Variants in GPC5 observed in about 807,000 individuals in gnomAD.
GPC5 encodes glypican-5.
Under a neutral mutation model 53.9 loss-of-function variants are expected in GPC5, and 47 were observed. The ratio of observed to expected loss-of-function variants is 0.87; its 90% confidence interval spans 0.69 to 1.11. The LOEUF (loss-of-function observed/expected upper bound fraction) is 1.11, where lower values mean the gene tolerates loss of function less well. Ranked by LOEUF, GPC5 falls within the 50% of genes most tolerant of loss-of-function variation. The pLI is 0.00. For synonymous variants in GPC5, 286 were observed against 263.3 expected, an observed-to-expected ratio of 1.09 and a Z score of -0.84; for missense variants, 748 against 713.1, an observed-to-expected ratio of 1.05 and a Z score of -0.56.
At chr13:92,497,223 T>G (rs1439525557) in intron 7 of GPC5, among the ~76,000 whole-genome samples, 1 of 152,222 alleles carries the variant, frequency 6.6e-6, no homozygotes, top group South Asian at 2.1e-4. Flanking sequence ...TCTTCTAGGG[T>G]TTTTATGGCT....
At chr13:92,782,645 T>G (rs1389739909) in intron 7 of GPC5, among the ~76,000 whole-genome samples, 4 of 152,186 alleles carry the variant, frequency 2.6e-5, no homozygotes, top group Non-Finnish European at 5.9e-5. Context: ...TTATTTTCTT[T>G]TACTTTTCAT....
At chr13:91,818,146 A>G (rs2038429987) in intron 5 of GPC5, among the ~76,000 whole-genome samples, 1 of 152,224 alleles carries the variant, frequency 6.6e-6, no homozygotes, top group Non-Finnish European at 1.5e-5. Flanking sequence ...GATATATGAC[A>G]TGTATAAGTT....
chr13:92,115,360 T>G (rs9560925), intron 6 of GPC5, among the ~76,000 whole-genome samples: 78,534 of 151,898 alleles, frequency 0.52, 21,646 homozygotes, highest in African/African-American at 0.71. Flanking sequence ...TACAAAATTA[T>G]CTGGGCATGG....
intron 7 of GPC5, among the ~76,000 whole-genome samples, chr13:92,400,365 C>T (rs983821290): frequency 6.6e-6 from 1 of 152,178 alleles, no homozygotes; most frequent in East Asian, 1.9e-4. Context: ...GGGAAGATCT[C>T]ATCTATATGT....
intron 7 of GPC5, among the ~76,000 whole-genome samples, chr13:92,675,049 C>T (rs1413813386): frequency 6.6e-6 from 1 of 151,922 alleles, no homozygotes; most frequent in Non-Finnish European, 1.5e-5. Flanking sequence ...ATGTATAAAA[C>T]CAGTAAATAA....
rs189611641 is a variant in GPC5 at position 92,416,435 on chromosome 13, A to C, written c.1561+271446A>C. Among the ~76,000 whole-genome samples the C allele has an allele frequency of 4.0e-4, 61 of 152,312 alleles. No homozygotes were observed. In the South Asian group the frequency reaches 0.012, roughly 31 times the overall value. On this transcript the variant is annotated intron_variant, in intron 7 of 7. Coordinates refer to ENST00000377067, the MANE Select transcript of GPC5 (RefSeq NM_004466.6). ...ATTGATGCTTCAATTTGCTGTATGA[A>C]ATAGGATCAACAAGAGCTAAGACAA...
chr13:91,997,783 G>T (rs551857782), intron 6 of GPC5, among the ~76,000 whole-genome samples: 97 of 152,288 alleles, frequency 6.4e-4, no homozygotes, highest in African/African-American at 2.2e-3. Context: ...GCCTCCCAAA[G>T]TGCTGGGATT....
chr13:92,124,581 A>G (rs1440836146), intron 6 of GPC5, among the ~76,000 whole-genome samples: 1 of 152,170 alleles, frequency 6.6e-6, no homozygotes, highest in East Asian at 1.9e-4. Context: ...TGGCTCATGG[A>G]TAAAAATAGT....
In GPC5 at chr13:91,503,282, A is replaced by G. The variant is rs1435807444; in HGVS notation, c.325+54360A>G. On this transcript the variant is annotated intron_variant, in intron 2 of 7. Transcript: ENST00000377067. ...TTTTTGACTAAAATTTCTAGAAACA[A>G]TTTGAACCAACAAAAATGACTCAAG... is the stretch of plus-strand genomic sequence containing the variant. Among the ~76,000 whole-genome samples the G allele has an allele frequency of 5.6e-4, 86 of 152,284 alleles. 2 individuals are homozygous for G. The highest frequency in any genetic ancestry group is 8.8e-5 in the Non-Finnish European group (6 of 68,026).
intron 6 of GPC5, among the ~76,000 whole-genome samples, chr13:91,925,938 T>A (rs1280657224): frequency 6.6e-6 from 1 of 152,198 alleles, no homozygotes; most frequent in East Asian, 1.9e-4. Context: ...TCAATTAGAA[T>A]ATAATTATAA....
At chr13:91,580,281 A>AC (rs981221314) in intron 2 of GPC5, among the ~76,000 whole-genome samples, 1 of 152,008 alleles carries the variant, frequency 6.6e-6, no homozygotes, top group Non-Finnish European at 1.5e-5. Flanking sequence ...TGATCTCCTG[A>AC]CCCTGTGATC....
At chr13:91,483,874 C>A (rs1883442031) in intron 2 of GPC5, among the ~76,000 whole-genome samples, 1 of 152,132 alleles carries the variant, frequency 6.6e-6, no homozygotes, top group Non-Finnish European at 1.5e-5. Context: ...GGATGTTATT[C>A]TAGGTCATTT....
At chr13:91,482,479 G>A (rs1413572504) in intron 2 of GPC5, among the ~76,000 whole-genome samples, 3 of 152,284 alleles carry the variant, frequency 2.0e-5, no homozygotes, top group East Asian at 1.9e-4. Context: ...CACCTCGTCA[G>A]CTATGCTTCT....
intron 7 of GPC5, among the ~76,000 whole-genome samples, chr13:92,296,841 C>G (rs2043039037): frequency 6.6e-6 from 1 of 152,328 alleles, no homozygotes; most frequent in South Asian, 2.1e-4. Context: ...TTGGGTCCCC[C>G]AGCAGTGCCG....
At chr13:91,701,360 A>G (rs1221632497) in intron 3 of GPC5, among the ~76,000 whole-genome samples, 1 of 152,096 alleles carries the variant, frequency 6.6e-6, no homozygotes, top group Non-Finnish European at 1.5e-5. Context: ...CCTCAGCCTC[A>G]GCCCTGGCAA....
chr13:92,328,669 T>C (rs1443311522), intron 7 of GPC5, among the ~76,000 whole-genome samples: 1 of 152,106 alleles, frequency 6.6e-6, no homozygotes, highest in Non-Finnish European at 1.5e-5. Flanking sequence ...CTTTTGCAAT[T>C]TATTCGCATC....
chr13:92,086,246 A>G (rs2041335147), intron 6 of GPC5, among the ~76,000 whole-genome samples: 2 of 152,144 alleles, frequency 1.3e-5, no homozygotes, highest in Non-Finnish European at 1.5e-5. Context: ...CATTTTTTCA[A>G]AGATGTCTAT....
At chr13:92,389,501 G>A (rs980513717) in intron 7 of GPC5, among the ~76,000 whole-genome samples, 5 of 152,036 alleles carry the variant, frequency 3.3e-5, no homozygotes, top group African/African-American at 1.2e-4. Context: ...AAACATTCTA[G>A]CTCTCTTTGG....
At chr13:92,258,105 A>G (rs1594043250) in intron 7 of GPC5, among the ~76,000 whole-genome samples, 1 of 152,190 alleles carries the variant, frequency 6.6e-6, no homozygotes, top group Admixed American at 6.6e-5. Context: ...AAGGAAAAAA[A>G]CAATAGCAGA....
Sources: allele counts gnomAD v4.1 joint callset (sites outside exome capture counted in the v4.1 genomes callset), GRCh38; gene constraint gnomAD v4.1.1; transcripts MANE v1.5; gene names NCBI Gene and HGNC (gene_info 2026-07-23, HGNC 2026-07-21).